The following NR2C1 variants were observed in gnomAD, a reference collection of about 807,000 sequenced individuals.
The protein encoded by NR2C1 is nuclear receptor subfamily 2 group C member 1.
NR2C1 carries 33 observed loss-of-function variants against 74.8 expected under a neutral mutation model. The observed-to-expected ratio is 0.44, with a 90% CI of 0.33 to 0.59. NR2C1 has a LOEUF of 0.59. NR2C1 is among the 20% of genes least tolerant of loss of function. NR2C1 has a pLI of 0.02. For synonymous variants in NR2C1, 225 were observed against 240.6 expected, an observed-to-expected ratio of 0.94 and a Z score of 0.60; for missense variants, 568 against 715.6, an observed-to-expected ratio of 0.79 and a Z score of 2.35.
At position 95,025,235 on chromosome 12, in the gene NR2C1, T is replaced by C. The variant is rs767449618; in HGVS notation, c.1552A>G (p.Met518Val). 1.9e-6 allele frequency: 3 copies of C among 1,600,492 alleles called. No individual in the cohort carries two copies. Among genetic ancestry groups the C allele is most frequent in the Non-Finnish European group, 2.6e-6 (3 of 1,169,858 alleles). Residue 518 changes from methionine (M) to valine (V), a missense_variant, in exon 13 of 14, where the codon ATG becomes GTG. Met to Val is a conservative substitution (Grantham distance 21). Around this residue, in one of 6 missense-constraint regions of NR2C1, gnomAD observed 117 missense variants for 186.7 expected, o/e 0.63. Transcript: ENST00000333003. ...FSPDHPSLENMEQIEKFQEKA... is the reference protein window; with the variant it reads ...FSPDHPSLENVEQIEKFQEKA... ...TCCTGAAATTTCTCTATCTGTTCCA[T>C]GTTTTCTAGGCTTGGATGATCTGAA...
intron 10 of NR2C1, among the ~76,000 whole-genome samples, chr12:95,037,303 C>G (rs761266707): frequency 6.6e-6 from 1 of 152,198 alleles, no homozygotes; most frequent in African/African-American, 2.4e-5. Context: ...CTGAATTACT[C>G]TAAGTACTGA....
intron 3 of NR2C1, 49 bp from the exon 4 acceptor site, chr12:95,060,033 TACTC>T: frequency 7.3e-7 from 1 of 1,366,808 alleles, no homozygotes; most frequent in Non-Finnish European, 9.9e-7. Context: ...AACCTGTTGT[TACTC>T]AACAGCACTC....
intron 2 of NR2C1, chr12:95,063,028 C>A: frequency 2.3e-6 from 1 of 429,382 alleles, no homozygotes; most frequent in South Asian, 2.7e-5. Context: ...AGCTGTTCTG[C>A]ATACTGGGAT....
At chr12:95,070,689 C>A (rs1876470079) in intron 1 of NR2C1, among the ~76,000 whole-genome samples, 1 of 152,192 alleles carries the variant, frequency 6.6e-6, no homozygotes. Context: ...AAAGTTTTAA[C>A]CCCTTCCCTT....
At chr12:95,026,415 CAG>C (rs1383265780) in intron 12 of NR2C1, among the ~76,000 whole-genome samples, 2 of 151,870 alleles carry the variant, frequency 1.3e-5, no homozygotes, top group Non-Finnish European at 2.9e-5. Context: ...TACACAAAAA[CAG>C]AAATATTAAA....
intron 9 of NR2C1, among the ~76,000 whole-genome samples, chr12:95,045,940 A>G (rs537999793): frequency 8.5e-5 from 13 of 152,200 alleles, no homozygotes; most frequent in African/African-American, 3.1e-4. Flanking sequence ...CCCGGGTTCA[A>G]GCAATTCTTC....
chr12:95,057,101 T>TC (rs2136175120), intron 7 of NR2C1, among the ~76,000 whole-genome samples: 1 of 101,256 alleles, frequency 9.9e-6, no homozygotes, highest in South Asian at 3.2e-4. Context: ...ATTTCTGATT[T>TC]TTTTTTTTTT....
chr12:95,056,852 A>G (rs1873965498), intron 7 of NR2C1, among the ~76,000 whole-genome samples: 1 of 151,118 alleles, frequency 6.6e-6, no homozygotes, highest in Non-Finnish European at 1.5e-5. Flanking sequence ...CCAGCTATTC[A>G]GGAGGCTGAG....
chr12:95,063,032 C>A, intron 2 of NR2C1: 2 of 423,336 alleles, frequency 4.7e-6, no homozygotes, highest in South Asian at 5.5e-5. Context: ...GTTCTGCATA[C>A]TGGGATGTAG....
chr12:95,069,214 G>A (rs934141712), intron 1 of NR2C1, among the ~76,000 whole-genome samples: 1 of 152,120 alleles, frequency 6.6e-6, no homozygotes, highest in East Asian at 1.9e-4. Flanking sequence ...CAGTGTATTG[G>A]TGCATTAGAC....
At chr12:95,052,158 GT>G (rs201217929) in intron 7 of NR2C1, among the ~76,000 whole-genome samples, 1,847 of 140,992 alleles carry the variant, frequency 0.013, 33 homozygotes, top group African/African-American at 0.042. Context: ...ATGTTACTTT[GT>G]TTTTTTTTTT....
chr12:95,034,911 T>C (rs1336744046), intron 10 of NR2C1, among the ~76,000 whole-genome samples: 1 of 152,092 alleles, frequency 6.6e-6, no homozygotes, highest in Non-Finnish European at 1.5e-5. Context: ...TACATAGCCA[T>C]CATTAAATGG....
intron 1 of NR2C1, among the ~76,000 whole-genome samples, chr12:95,069,551 A>G (rs1876262249): frequency 6.6e-6 from 1 of 152,260 alleles, no homozygotes; most frequent in African/African-American, 2.4e-5. Context: ...ATGGTAAGTT[A>G]TACCATTTAG....
chr12:95,073,041 C>G (rs1234138921), intron 1 of NR2C1: 3 of 152,266 alleles, frequency 2.0e-5, no homozygotes, highest in African/African-American at 7.2e-5. Flanking sequence ...TGCAGCGCCG[C>G]GGAAGCTTTC....
At chr12:95,039,589 G>A (rs1871255440) in intron 10 of NR2C1, among the ~76,000 whole-genome samples, 1 of 152,156 alleles carries the variant, frequency 6.6e-6, no homozygotes, top group South Asian at 2.1e-4. Context: ...TCTTATAGTA[G>A]GCCATTTTCT....
chr12:95,028,936 CATGAATTTCAAGCTTTGAGT>C (rs1230199289), intron 11 of NR2C1, among the ~76,000 whole-genome samples: 2 of 151,776 alleles, frequency 1.3e-5, no homozygotes, highest in Non-Finnish European at 2.9e-5. Context: ...GCCTTCCTCT[CATGAATTTCAAGCTTTGAGT>C]ATAACCAATC....
chr12:95,033,123 A>G (rs1870364317), intron 10 of NR2C1, among the ~76,000 whole-genome samples: 1 of 151,800 alleles, frequency 6.6e-6, no homozygotes, highest in Admixed American at 6.6e-5. Context: ...TCCAGCCTCT[A>G]ACCTGGCACA....
At position 95,029,723 on chromosome 12, in the gene NR2C1, A is replaced by AT. The variant is rs538653968; in HGVS notation, c.1394-1200dup. On this transcript the variant is annotated intron_variant, in intron 11 of 13. Transcript: ENST00000333003. ...AGGCGCTTGCCACCACGCCTGGCTA[A>AT]TTTTTTTGTATTTTTAGTAGAGACG... Among the ~76,000 whole-genome samples, 980 of 151,576 alleles carry AT rather than the reference A, an allele frequency of 6.5e-3. 12 individuals are homozygous for AT. The highest frequency in any genetic ancestry group is 0.022 in the African/African-American group (924 of 41,314).
At chr12:95,045,622 T>A (rs1872214797) in intron 9 of NR2C1, among the ~76,000 whole-genome samples, 2 of 152,154 alleles carry the variant, frequency 1.3e-5, no homozygotes. Flanking sequence ...GTTGCAAACA[T>A]GGGCGACCAG....
Sources: gnomAD v4.1 joint callset for allele counts (sites outside exome capture counted in the v4.1 genomes callset) on GRCh38, gnomAD v4.1.1 for gene constraint, gnomAD v4.1.1 regional missense constraint, MANE v1.5 for transcripts, NCBI Gene and HGNC (gene_info 2026-07-23, HGNC 2026-07-21) for gene names.